ZNF236: variants seen among roughly 807,000 people sequenced by gnomAD.
ZNF236 encodes regulated by glucose.
In ZNF236, 50 loss-of-function variants were observed where a neutral mutation model predicts 191.2. The observed-to-expected ratio is 0.26, with a 90% confidence interval of 0.21 to 0.33. ZNF236 has a LOEUF of 0.33. Among genes scored for constraint, ZNF236 ranks in the 10% least tolerant of loss-of-function variants. The pLI, the probability that ZNF236 is intolerant of heterozygous loss-of-function variation, is 1.00. For synonymous variants in ZNF236, 907 were observed against 928.8 expected (o/e 0.98, Z 0.43); for missense variants, 1,754 against 2,374.5 (o/e 0.74, Z 5.43).
At position 76,960,962 on chromosome 18, in the gene ZNF236, G is replaced by A. The variant is rs146543783; in HGVS notation, c.5419+107G>A. On this transcript the variant is annotated intron_variant, in intron 30 of 30. Transcript: ENST00000320610. The surrounding 1 kb of genome is among the most constrained non-coding windows in gnomAD (Gnocchi z 4.4). ...TTCACACAGTGATTTTGCATTGCAC[G>A]TGGTACAGCCTCAGTTGTGTGGACT... is the stretch of plus-strand genomic sequence containing the variant. The A allele has an allele frequency of 1.5e-4, 189 of 1,243,130 alleles. No individual in the cohort carries two copies. The African/African-American group carries it at 1.9e-3, about 13-fold the overall frequency. 77.0% of individuals were successfully genotyped at this position (1,243,130 alleles called of 1,614,324 possible).
chr18:76,939,677 G>A (rs901147250), intron 26 of ZNF236, among the ~76,000 whole-genome samples: 4 of 152,040 alleles, frequency 2.6e-5, no homozygotes, highest in African/African-American at 9.7e-5. Flanking sequence ...AAATGATGAC[G>A]GCTGTAAATA....
At chr18:76,887,945 G>A (rs1412566212) in intron 9 of ZNF236, 1 of 151,088 alleles carries the variant, frequency 6.6e-6, no homozygotes, top group African/African-American at 2.4e-5. Context: ...GCACTGACCT[G>A]TTGCTTCTGA....
At chr18:76,841,668 A>G (rs1975509121) in intron 1 of ZNF236, among the ~76,000 whole-genome samples, 1 of 151,548 alleles carries the variant, frequency 6.6e-6, no homozygotes, top group South Asian at 2.1e-4. Flanking sequence ...CACTAGGCTC[A>G]AAGTAGCAAC....
rs181064011 is a variant in ZNF236 at position 76,946,697 on chromosome 18, G to T, written c.4783-824G>T. Reference sequence around the variant, plus strand: ...GCTGCAGCTTCCTCTCTGCTCTTGTGCCCCATACCACCCTACCTTTCTCAT... The same window carrying T: ...GCTGCAGCTTCCTCTCTGCTCTTGTTCCCCATACCACCCTACCTTTCTCAT... On this transcript the variant is annotated intron_variant, in intron 26 of 30. Transcript: ENST00000320610. Among the ~76,000 whole-genome samples, 166 of 152,272 alleles carry T rather than the reference G, an allele frequency of 1.1e-3. No individual in the cohort carries two copies. In the Middle Eastern group the frequency reaches 0.02, roughly 19 times the overall value.
intron 25 of ZNF236, among the ~76,000 whole-genome samples, chr18:76,932,505 C>T (rs560507540): frequency 4.6e-5 from 7 of 152,350 alleles, no homozygotes; most frequent in African/African-American, 1.7e-4. Flanking sequence ...GTGAGTTCAT[C>T]ATCTTTCCCC....
rs370551166 is a variant in ZNF236, at chr18:76,873,516, CG to C, written c.667+1694del. Among the ~76,000 whole-genome samples, 423 of 152,276 alleles carry C rather than the reference CG, an allele frequency of 2.8e-3. 1 individual carries two copies. Among genetic ancestry groups the C allele is most frequent in the Middle Eastern group, 0.017 (5 of 294 alleles). ...CGGTGTGGTTTAAACAGGAGGCTGG[CG>C]GGCCCGGGTGGAGGTGGCAGGGAGT... On this transcript the variant is annotated intron_variant, in intron 5 of 30. Transcript: ENST00000320610.
intron 9 of ZNF236, among the ~76,000 whole-genome samples, chr18:76,892,878 A>G (rs556273601): frequency 6.6e-6 from 1 of 152,306 alleles, no homozygotes; most frequent in African/African-American, 2.4e-5. Context: ...TACTATTTGA[A>G]GAGGAAAGCT....
chr18:76,931,331 G>A (rs1234907296), intron 25 of ZNF236: 1 of 152,194 alleles, frequency 6.6e-6, no homozygotes, highest in African/African-American at 2.4e-5. Context: ...AGCATGACAG[G>A]TGTGTCAGCG....
intron 3 of ZNF236, among the ~76,000 whole-genome samples, chr18:76,857,999 T>C (rs1292061972): frequency 1.3e-5 from 2 of 152,184 alleles, no homozygotes; most frequent in African/African-American, 2.4e-5. Flanking sequence ...TCTAATGATA[T>C]TGTGTAGGGA....
chr18:76,869,714 G>C (rs1033966316), intron 4 of ZNF236, among the ~76,000 whole-genome samples: 1 of 152,186 alleles, frequency 6.6e-6, no homozygotes, highest in African/African-American at 2.4e-5. Context: ...CCAGCACTTT[G>C]GGAGGCCAGG....
At chr18:76,888,829 T>G (rs534991018) in intron 9 of ZNF236, 1 of 152,416 alleles carries the variant, frequency 6.6e-6, no homozygotes, top group Non-Finnish European at 1.5e-5. Flanking sequence ...CCTGTCTGTC[T>G]CCCCTACCCA....
chr18:76,845,710 G>T (rs568176944), intron 1 of ZNF236, among the ~76,000 whole-genome samples: 1 of 152,104 alleles, frequency 6.6e-6, no homozygotes, highest in Non-Finnish European at 1.5e-5. Context: ...TTAGCCAGGC[G>T]TGGTGGCGCA....
chr18:76,844,276 T>G (rs1599323102), intron 1 of ZNF236, among the ~76,000 whole-genome samples: 1 of 146,258 alleles, frequency 6.8e-6, no homozygotes, highest in Admixed American at 6.8e-5. Context: ...GAAAGGGTGG[T>G]AGAGATGACC....
rs1006808707 is a variant in ZNF236 at position 76,880,922 on chromosome 18, G to A, written c.1189-362G>A. ...AATCTCAGGGTGTCGTTCTACAGCC[G>A]ATACCTGAAAGTTAAACCCAGTGTA... On this transcript the variant is annotated intron_variant, in intron 8 of 30. Transcript: ENST00000320610. The surrounding 1 kb of genome is among the most constrained non-coding windows in gnomAD (Gnocchi z 5.0). 6.6e-6 allele frequency among the ~76,000 whole-genome samples: 1 copy of A among 152,132 alleles called. No homozygotes were observed. Among genetic ancestry groups the A allele is most frequent in the African/African-American group, 2.4e-5 (1 of 41,424 alleles).
Position 76,927,036 on chromosome 18 carries a change from G to A in ZNF236, c.4028-1G>A. On this transcript the variant is annotated splice_acceptor_variant, in intron 22 of 30. Coordinates refer to ENST00000320610, the MANE Select transcript of ZNF236 (RefSeq NM_001306089.2). LOFTEE classifies it high-confidence loss of function. The surrounding 1 kb of genome is among the most constrained non-coding windows in gnomAD (Gnocchi z 5.4). ...CATTCTCTTTCTCTTTCTCTGGCCA[G>A]CTGGGGGTGACCTGACCGTGTCTCT... 6.2e-7 allele frequency: 1 copy of A among 1,604,746 alleles called. No homozygotes were observed. Among genetic ancestry groups the A allele is most frequent in the Non-Finnish European group, 8.5e-7 (1 of 1,172,756 alleles).
intron 1 of ZNF236, among the ~76,000 whole-genome samples, chr18:76,845,774 G>A (rs934267022): frequency 2.6e-5 from 4 of 152,176 alleles, no homozygotes; most frequent in South Asian, 2.1e-4. Context: ...AATTGAACCC[G>A]GGAGGTGAAG....
At chr18:76,878,819 A>G (rs1384746217) in intron 7 of ZNF236, among the ~76,000 whole-genome samples, 1 of 152,264 alleles carries the variant, frequency 6.6e-6, no homozygotes, top group Non-Finnish European at 1.5e-5. Context: ...ATGTATGCTT[A>G]TGAATGCAGT....
chr18:76,922,482 A>C (rs546507050), intron 20 of ZNF236, among the ~76,000 whole-genome samples: 3 of 151,448 alleles, frequency 2.0e-5, no homozygotes, highest in Non-Finnish European at 4.4e-5. Flanking sequence ...TGCATTGCCA[A>C]CTTTTCTACT....
Position 76,928,113 on chromosome 18 carries a change from A to C in ZNF236, c.4594+7A>C. On this transcript the variant is annotated splice_region_variant and intron_variant, in intron 25 of 30. Coordinates refer to ENST00000320610, the MANE Select transcript of ZNF236 (RefSeq NM_001306089.2). ...ATTACCCTGACTATCTCCGGTTAGT[A>C]AGTTATAATTTTAAACATCTTTTCA... The C allele has an allele frequency of 6.2e-7, 1 of 1,602,338 alleles. No individual in the cohort carries two copies. Among genetic ancestry groups the C allele is most frequent in the South Asian group, 1.1e-5 (1 of 89,782 alleles).
Sources: gnomAD v4.1 joint callset for allele counts (sites outside exome capture counted in the v4.1 genomes callset) on GRCh38, gnomAD v4.1.1 for gene constraint, Gnocchi (gnomAD v3.1) non-coding constraint, MANE v1.5 for transcripts, NCBI Gene and HGNC (gene_info 2026-07-23, HGNC 2026-07-21) for gene names.